Variants in ACADM observed in about 807,000 individuals in gnomAD.
ACADM encodes medium-chain specific acyl-CoA dehydrogenase, mitochondrial.
In ACADM, 49 loss-of-function variants were observed where a neutral mutation model predicts 58.9. That is an observed-to-expected ratio of 0.83 (90% CI 0.66 to 1.06). The LOEUF (loss-of-function observed/expected upper bound fraction) is 1.06. Among genes scored for constraint, ACADM ranks in the 50% least tolerant of loss-of-function variants. The pLI is 0.00. For missense variants in ACADM, 496 were observed against 507.0 expected, an observed-to-expected ratio of 0.98 and a Z score of 0.21; for synonymous variants, 160 against 157.7, an observed-to-expected ratio of 1.01 and a Z score of -0.11.
At chr1:75,761,588 C>T (rs980530326) in intron 11 of ACADM, 11 of 585,450 alleles carry the variant, frequency 1.9e-5, no homozygotes, top group East Asian at 5.9e-5. Context: ...AAAAATGGTA[C>T]AGACATGTGT....
intron 10 of ACADM, among the ~76,000 whole-genome samples, chr1:75,758,304 C>T (rs1207381721): frequency 6.6e-6 from 1 of 152,142 alleles, no homozygotes; most frequent in Non-Finnish European, 1.5e-5. Context: ...CTCCTGACCT[C>T]AGGTGATCCA....
chr1:75,761,277 G>T lies in ACADM; in HGVS notation c.1101G>T (p.Gln367His). The T allele has an allele frequency of 6.2e-7, 1 of 1,614,040 alleles. No individual in the cohort carries two copies. The highest frequency in any genetic ancestry group is 8.5e-7 in the Non-Finnish European group (1 of 1,179,942). The change falls in exon 11 of 12, where the codon CAG becomes CAT. Residue 367 changes from glutamine (Q) to histidine (H), a missense_variant. By Grantham distance (24) the Gln-to-His change is conservative (BLOSUM62 0). Transcript: ENST00000370841. ...AKAFAGDIAN[Q>H]LATDAVQILG... ...CATTTGCTGGAGATATTGCAAATCA[G>T]TTAGCTACTGATGCTGTGCAGATAC...
intron 7 of ACADM, chr1:75,744,111 G>A: frequency 6.3e-7 from 1 of 1,586,166 alleles, no homozygotes; most frequent in South Asian, 1.1e-5. Flanking sequence ...TTCTCCTGAT[G>A]TTCTGAATGC....
At chr1:75,744,464 C>T in intron 7 of ACADM, 1 of 1,531,656 alleles carries the variant, frequency 6.5e-7, no homozygotes, top group Non-Finnish European at 9.0e-7. Flanking sequence ...GTTTCAATCT[C>T]ACAAACCACT....
At position 75,749,668 on chromosome 1, in the gene ACADM, CTTATT is replaced by C. The variant is rs922954645; in HGVS notation, c.849+115_849+119del. ...AGTGTGTTTCTCTTTTTAATATCTG[CTTATT>C]TTATTAAGGATATAGGAAAAATACT... On this transcript the variant is annotated intron_variant, in intron 9 of 11. Coordinates refer to ENST00000370841, the MANE Select transcript of ACADM (RefSeq NM_000016.6). 1.4e-5 allele frequency: 13 copies of C among 948,610 alleles called. No individual in the cohort carries two copies. In the African/African-American group the frequency reaches 1.9e-4, roughly 14 times the overall value. The allele number at this position is 948,610 out of a possible 1,614,324, so 58.8% of individuals were successfully genotyped here.
intron 7 of ACADM, among the ~76,000 whole-genome samples, chr1:75,745,025 C>T (rs1047922888): frequency 2.0e-5 from 3 of 152,106 alleles, no homozygotes; most frequent in African/African-American, 7.2e-5. Context: ...GGATACATTC[C>T]AGGACCCCTA....
intron 7 of ACADM, among the ~76,000 whole-genome samples, chr1:75,741,164 A>G (rs1264774248): frequency 1.3e-5 from 2 of 152,214 alleles, no homozygotes; most frequent in African/African-American, 4.8e-5. Context: ...GGAATAATGT[A>G]CTAAATGACC....
At chr1:75,738,015 C>G (rs770399999) in intron 6 of ACADM, among the ~76,000 whole-genome samples, 1 of 151,998 alleles carries the variant, frequency 6.6e-6, no homozygotes, top group African/African-American at 2.4e-5. Context: ...CTCCCAGGTT[C>G]AAGCGATTCT....
Position 75,739,985 on chromosome 1 carries a change from T to C in ACADM, c.474T>C (p.Tyr158=), listed in dbSNP as rs757198475. 41 of 1,610,144 alleles carry C rather than the reference T, an allele frequency of 2.5e-5. No homozygotes were observed. Among genetic ancestry groups the C allele is most frequent in the African/African-American group, 4.0e-5 (3 of 74,840 alleles). ...RMTEEPLMCA[Y]CVTEPGAGSD... Reference sequence around the variant, plus strand: ...CTTGTTTTTATATATTCAAGGCTTATTGTGTAACAGAACCTGGAGCAGGCT... The same window carrying C: ...CTTGTTTTTATATATTCAAGGCTTACTGTGTAACAGAACCTGGAGCAGGCT... The change falls in exon 7 of 12, where the codon TAT becomes TAC. Residue 158 remains tyrosine (Y), a synonymous_variant. Coordinates refer to ENST00000370841, the MANE Select transcript of ACADM (RefSeq NM_000016.6).
chr1:75,750,368 C>A, intron 9 of ACADM, 83 bp from the exon 10 acceptor site: 1 of 1,149,120 alleles, frequency 8.7e-7, no homozygotes, highest in Non-Finnish European at 1.3e-6. Flanking sequence ...TCTTTGTACA[C>A]TCCCTAACAT....
In ACADM at chr1:75,762,791, C is replaced by G. The variant is rs755755504; in HGVS notation, c.*28C>G. 1 of 1,382,440 alleles carries G rather than the reference C, an allele frequency of 7.2e-7. No individual in the cohort carries two copies. 85.6% of individuals were successfully genotyped at this position (1,382,440 alleles called of 1,614,324 possible). On this transcript the variant is annotated 3_prime_UTR_variant, in exon 12 of 12. Transcript: ENST00000370841. The stretch of plus-strand genomic sequence containing the variant: ...AAATTACTGTAGAAATATTGAATAA[C>G]TAGAACACAAGCCACTGTTTCAGCT...
intron 7 of ACADM, chr1:75,744,773 A>G (rs1647794617): frequency 4.5e-6 from 3 of 663,240 alleles, no homozygotes; most frequent in Admixed American, 4.4e-5. Context: ...CCGGGACAGC[A>G]TCACGGCGGC....
At chr1:75,728,974 A>G (rs1014020948) in intron 2 of ACADM, among the ~76,000 whole-genome samples, 1 of 152,148 alleles carries the variant, frequency 6.6e-6, no homozygotes, top group Non-Finnish European at 1.5e-5. Flanking sequence ...TCTGCCCTCT[A>G]TAAAATGAAA....
At chr1:75,726,210 C>G (rs894961254) in intron 1 of ACADM, among the ~76,000 whole-genome samples, 42 of 152,072 alleles carry the variant, frequency 2.8e-4, no homozygotes, top group African/African-American at 9.7e-4. Context: ...GAGTTCGAGA[C>G]CAGCCTGGCC....
Position 75,724,741 on chromosome 1 carries a change from G to T in ACADM, c.-47G>T, listed in dbSNP as rs373731510. On this transcript the variant is annotated 5_prime_UTR_variant, in exon 1 of 12. Transcript: ENST00000370841. ...TCCCGCGTTCGGGGAGTATGTCAAG[G>T]CCGTGACCCGTGTATTATTGTCCGA... 1 of 1,543,350 alleles carries T rather than the reference G, an allele frequency of 6.5e-7. No homozygotes were observed. Among genetic ancestry groups the T allele is most frequent in the Non-Finnish European group, 8.7e-7 (1 of 1,145,178 alleles).
chr1:75,729,467 TTTC>T (rs912701935), intron 2 of ACADM, among the ~76,000 whole-genome samples: 2 of 148,848 alleles, frequency 1.3e-5, no homozygotes, highest in Non-Finnish European at 3.0e-5. Flanking sequence ...TTTTTTTTTT[TTTC>T]CTGTGACTTC....
intron 2 of ACADM, chr1:75,732,390 G>A (rs1647162272): frequency 2.4e-6 from 1 of 409,392 alleles, no homozygotes; most frequent in African/African-American, 2.0e-5. Context: ...ACTCACTTGA[G>A]CTCTACAGGT....
chr1:75,741,246 A>G (rs1647551213), intron 7 of ACADM, among the ~76,000 whole-genome samples: 1 of 152,204 alleles, frequency 6.6e-6, no homozygotes, highest in Admixed American at 6.5e-5. Context: ...AGCAAATAAA[A>G]CATCATTTTT....
chr1:75,733,355 T>A (rs1022248071), intron 4 of ACADM, 173 bp from the exon 5 acceptor site: 17 of 984,024 alleles, frequency 1.7e-5, no homozygotes, highest in Non-Finnish European at 2.4e-5. Flanking sequence ...ATTTTAGAGC[T>A]TTAAGAAAGT....
Sources: allele counts gnomAD v4.1 joint callset (sites outside exome capture counted in the v4.1 genomes callset), GRCh38; gene constraint gnomAD v4.1.1; transcripts MANE v1.5; gene names NCBI Gene and HGNC (gene_info 2026-07-23, HGNC 2026-07-21).